Variants in TRPC3 observed in about 807,000 individuals in gnomAD.
TRPC3 encodes transient receptor potential cation channel subfamily C member 3.
A neutral mutation model predicts 90.9 loss-of-function variants in TRPC3; 54 were observed. The observed-to-expected ratio is 0.59, with a 90% CI of 0.48 to 0.75. TRPC3 has a LOEUF of 0.75. Ranked by LOEUF, TRPC3 falls within the 30% of genes least tolerant of loss-of-function variation. The probability of loss-of-function intolerance (pLI) is 0.00; values close to 1 mark genes in which losing one functional copy is unlikely to be tolerated. For missense variants in TRPC3, 918 were observed against 1,194.5 expected (o/e 0.77, Z 3.41); for synonymous variants, 424 against 450.9 (o/e 0.94, Z 0.75).
At chr4:121,946,275 CA>C (rs1326922148) in intron 1 of TRPC3, among the ~76,000 whole-genome samples, 1 of 152,090 alleles carries the variant, frequency 6.6e-6, no homozygotes, top group Admixed American at 6.5e-5. Context: ...AGCTAATGAA[CA>C]GACAATTCTA....
At chr4:121,909,745 T>C (rs1729018469) in intron 6 of TRPC3, among the ~76,000 whole-genome samples, 1 of 152,130 alleles carries the variant, frequency 6.6e-6, no homozygotes, top group African/African-American at 2.4e-5. Flanking sequence ...TGCAGAGCAG[T>C]TTGGCAACTT....
At chr4:121,913,770 A>G (rs1729195916) in intron 4 of TRPC3, among the ~76,000 whole-genome samples, 1 of 152,258 alleles carries the variant, frequency 6.6e-6, no homozygotes, top group South Asian at 2.1e-4. Context: ...GAGTCATCAA[A>G]CATGATCAAA....
At chr4:121,909,403 T>A (rs2149123933) in intron 6 of TRPC3, among the ~76,000 whole-genome samples, 1 of 152,228 alleles carries the variant, frequency 6.6e-6, no homozygotes, top group African/African-American at 2.4e-5. Flanking sequence ...AGACAACACT[T>A]TCTAAAGTAT....
Position 121,951,588 on chromosome 4 carries a change from C to A in TRPC3, c.93G>T (p.Ala31=). 2 of 1,454,698 alleles carry A rather than the reference C, an allele frequency of 1.4e-6. No homozygotes were observed. Among genetic ancestry groups the A allele is most frequent in the Non-Finnish European group, 9.1e-7 (1 of 1,099,364 alleles). 90.1% of individuals were successfully genotyped at this position (1,454,698 alleles called of 1,614,324 possible). ...EEEDEGEDEG[A]EPQRRRRGWR... ...AGCCCCGGCGGCGGCGCTGCGGCTC[C>A]GCGCCCTCGTCCTCGCCCTCGTCTT... is the stretch of plus-strand genomic sequence containing the variant. Residue 31 remains alanine (A), a synonymous_variant, in exon 1 of 12, where the codon GCG becomes GCT. Transcript: ENST00000379645. The surrounding 1 kb of genome is among the most constrained non-coding windows in gnomAD (Gnocchi z 4.4).
chr4:121,910,224 C>T lies in TRPC3; in HGVS notation c.1722G>A (p.Val574=). 1 of 1,613,768 alleles carries T rather than the reference C, an allele frequency of 6.2e-7. No individual in the cohort carries two copies. Among genetic ancestry groups the T allele is most frequent in the Non-Finnish European group, 8.5e-7 (1 of 1,179,786 alleles). Residue 574 remains valine, a synonymous_variant, in exon 6 of 12, where the codon GTG becomes GTA. Coordinates refer to ENST00000379645, the MANE Select transcript of TRPC3 (RefSeq NM_001130698.2). ...FLQATKAQQY[V]DSYVQESDLS... ...GGTCACTCTCTTGGACGTAACTGTC[C>T]ACATACTGTTGTGCCTTCGTTGCCT...
intron 10 of TRPC3, among the ~76,000 whole-genome samples, chr4:121,898,696 A>T (rs936159641): frequency 1.3e-5 from 2 of 152,312 alleles, no homozygotes; most frequent in African/African-American, 4.8e-5. Flanking sequence ...ACACAAAGAA[A>T]TGATAGATGT....
At position 121,919,594 on chromosome 4, in the gene TRPC3, A is replaced by G. The variant is rs1313977185; in HGVS notation, c.1177-4650T>C. On this transcript the variant is annotated intron_variant, in intron 3 of 11. Coordinates refer to ENST00000379645, the MANE Select transcript of TRPC3 (RefSeq NM_001130698.2). ...TGTGCCGGCCAGCACACCCGTTCCA[A>G]CGTCTCAGTGGTGTATTTACCACTC... Among the ~76,000 whole-genome samples, 6 of 152,276 alleles carry G rather than the reference A, an allele frequency of 3.9e-5. No individual in the cohort carries two copies. In the East Asian group the frequency reaches 5.8e-4, roughly 15 times the overall value.
intron 10 of TRPC3, among the ~76,000 whole-genome samples, chr4:121,888,853 C>T (rs1257572914): frequency 1.3e-5 from 2 of 152,154 alleles, no homozygotes; most frequent in Non-Finnish European, 2.9e-5. Flanking sequence ...CCTACCCCTC[C>T]AATGTGATAG....
At chr4:121,881,411 T>G (rs1202911056) in intron 11 of TRPC3, among the ~76,000 whole-genome samples, 2 of 151,924 alleles carry the variant, frequency 1.3e-5, no homozygotes, top group Non-Finnish European at 1.5e-5. Context: ...CCCATGGAGA[T>G]TACGGTACAA....
chr4:121,942,387 C>A (rs934511580), intron 1 of TRPC3, among the ~76,000 whole-genome samples: 2 of 152,086 alleles, frequency 1.3e-5, no homozygotes, highest in African/African-American at 2.4e-5. Flanking sequence ...CAAAGTGAAA[C>A]CCCATCTCTA....
intron 1 of TRPC3, 175 bp from the exon 2 acceptor site, chr4:121,933,217 T>A: frequency 7.7e-7 from 1 of 1,293,716 alleles, no homozygotes; most frequent in Non-Finnish European, 9.9e-7. Context: ...ACACCTGTGA[T>A]CTAACCCTGG....
chr4:121,885,627 T>C (rs1728090159), intron 10 of TRPC3, among the ~76,000 whole-genome samples: 1 of 152,184 alleles, frequency 6.6e-6, no homozygotes, highest in Admixed American at 6.6e-5. Flanking sequence ...GTAAAGCAAA[T>C]CTTGATAAAT....
chr4:121,913,930 G>A (rs1729202746), intron 4 of TRPC3, among the ~76,000 whole-genome samples: 1 of 152,186 alleles, frequency 6.6e-6, no homozygotes, highest in African/African-American at 2.4e-5. Context: ...AGGATCACTT[G>A]TAAGTGCCCT....
intron 3 of TRPC3, among the ~76,000 whole-genome samples, chr4:121,923,394 A>C (rs1013693732): frequency 6.6e-6 from 1 of 152,138 alleles, no homozygotes; most frequent in African/African-American, 2.4e-5. Flanking sequence ...ATCACTTACT[A>C]AATTCCTTCC....
intron 10 of TRPC3, among the ~76,000 whole-genome samples, chr4:121,897,960 C>T (rs1728576843): frequency 6.6e-6 from 1 of 152,038 alleles, no homozygotes; most frequent in Admixed American, 6.6e-5. Context: ...CAACGGAATG[C>T]AATTCAGCTA....
chr4:121,892,957 C>A lies in TRPC3; in HGVS notation c.2547+6655G>T, dbSNP rs183831077. The stretch of plus-strand genomic sequence containing the variant: ...TCAACATGGTAAAACCCAATCTCTA[C>A]TAAAAATACAAAAGTTAGCTGGGTG... On this transcript the variant is annotated intron_variant, in intron 10 of 11. Transcript: ENST00000379645. 1.9e-3 allele frequency among the ~76,000 whole-genome samples: 289 copies of A among 151,818 alleles called. 1 individual carries two copies. The highest frequency in any genetic ancestry group is 6.6e-3 in the African/African-American group (273 of 41,378).
At position 121,875,462 on chromosome 4, in the gene TRPC3, G is replaced by A. The variant is rs1286466858; in HGVS notation, c.*4274C>T. Reference sequence around the variant, plus strand: ...CTCAAATAATTAATTAGCAGGGTAAGGAATTTTTATTCACAATAAAGAAAA... The same window carrying A: ...CTCAAATAATTAATTAGCAGGGTAAAGAATTTTTATTCACAATAAAGAAAA... On this transcript the variant is annotated 3_prime_UTR_variant, in exon 12 of 12. Coordinates refer to ENST00000379645, the MANE Select transcript of TRPC3 (RefSeq NM_001130698.2). 6.6e-6 allele frequency among the ~76,000 whole-genome samples: 1 copy of A among 152,044 alleles called. No homozygotes were observed. Among genetic ancestry groups the A allele is most frequent in the African/African-American group, 2.4e-5 (1 of 41,404 alleles).
chr4:121,938,811 T>A (rs141502424), intron 1 of TRPC3, among the ~76,000 whole-genome samples: 9 of 152,206 alleles, frequency 5.9e-5, no homozygotes, highest in African/African-American at 2.2e-4. Flanking sequence ...ATCTTGCTGT[T>A]CATAAACTCT....
intron 6 of TRPC3, among the ~76,000 whole-genome samples, chr4:121,908,584 G>A (rs1192041977): frequency 6.6e-6 from 1 of 152,116 alleles, no homozygotes; most frequent in African/African-American, 2.4e-5. Context: ...GCAGCAACAT[G>A]AATGCAGCTG....
Sources: gnomAD v4.1 joint callset for allele counts (sites outside exome capture counted in the v4.1 genomes callset) on GRCh38, gnomAD v4.1.1 for gene constraint, Gnocchi (gnomAD v3.1) non-coding constraint, MANE v1.5 for transcripts, NCBI Gene and HGNC (gene_info 2026-07-23, HGNC 2026-07-21) for gene names.